Variants in TMEM181 observed in about 807,000 individuals in gnomAD.
TMEM181 encodes G protein-coupled receptor 178.
TMEM181 carries 39 observed loss-of-function variants against 71.9 expected under a neutral mutation model. The ratio of observed to expected loss-of-function variants is 0.54; its 90% confidence interval spans 0.42 to 0.71. TMEM181 has a LOEUF of 0.71. Ranked by LOEUF, TMEM181 falls within the 30% of genes least tolerant of loss-of-function variation. The pLI is 0.00. For missense variants in TMEM181, 595 were observed against 583.0 expected, an observed-to-expected ratio of 1.02 and a Z score of -0.21; for synonymous variants, 245 against 228.8, an observed-to-expected ratio of 1.07 and a Z score of -0.64.
chr6:158,576,496 C>G (rs1221222403), intron 2 of TMEM181, among the ~76,000 whole-genome samples: 1 of 151,894 alleles, frequency 6.6e-6, no homozygotes, highest in Non-Finnish European at 1.5e-5. Context: ...TCGTTTTTGC[C>G]TTTTTCCTTT....
chr6:158,547,044 G>T (rs1781548896), intron 1 of TMEM181, among the ~76,000 whole-genome samples: 1 of 152,170 alleles, frequency 6.6e-6, no homozygotes, highest in Non-Finnish European at 1.5e-5. Flanking sequence ...CACTTTGGGA[G>T]GCTGAGGTGG....
At chr6:158,549,924 A>G (rs1156403310) in intron 1 of TMEM181, among the ~76,000 whole-genome samples, 2 of 136,178 alleles carry the variant, frequency 1.5e-5, no homozygotes, top group South Asian at 2.3e-4. Context: ...ACTCCTCTTC[A>G]TGGCCTTCCC....
At chr6:158,627,952 A>G (rs1370177780) in intron 13 of TMEM181, among the ~76,000 whole-genome samples, 1 of 152,158 alleles carries the variant, frequency 6.6e-6, no homozygotes, top group Non-Finnish European at 1.5e-5. Context: ...TGCTGTGCAA[A>G]GTCACTGGAA....
At chr6:158,608,518 C>G in intron 9 of TMEM181, 55 bp downstream of exon 9, 1 of 1,612,976 alleles carries the variant, frequency 6.2e-7, no homozygotes. Flanking sequence ...GTCCTCCCTC[C>G]CGAACTCTGA....
chr6:158,583,765 A>C (rs1033893841), intron 3 of TMEM181, among the ~76,000 whole-genome samples, 189 bp from the exon 4 acceptor site: 1 of 152,176 alleles, frequency 6.6e-6, no homozygotes, highest in Non-Finnish European at 1.5e-5. Flanking sequence ...GCGCCACTGC[A>C]CTCTAGCCTA....
At chr6:158,563,978 A>G (rs1458323924) in intron 1 of TMEM181, among the ~76,000 whole-genome samples, 1 of 152,090 alleles carries the variant, frequency 6.6e-6, no homozygotes, top group Admixed American at 6.5e-5. Flanking sequence ...CGGTTTTGCC[A>G]TGTTGGCCAG....
intron 1 of TMEM181, among the ~76,000 whole-genome samples, chr6:158,567,320 G>A (rs940270743): frequency 6.6e-6 from 1 of 152,234 alleles, no homozygotes; most frequent in Non-Finnish European, 1.5e-5. Context: ...GAAGCATGGA[G>A]CCCCTTGCCT....
chr6:158,571,240 G>T (rs1254457000), intron 1 of TMEM181, among the ~76,000 whole-genome samples: 1 of 152,166 alleles, frequency 6.6e-6, no homozygotes, highest in African/African-American at 2.4e-5. Context: ...GGGACTGCAG[G>T]CACCCGCCAC....
At position 158,585,307 on chromosome 6, in the gene TMEM181, C is replaced by T. The variant is rs372779214; in HGVS notation, c.263C>T (p.Thr88Ile). The change falls in exon 5 of 17, where the codon ACT becomes ATT. Residue 88 changes from threonine to isoleucine, a missense_variant. Coordinates refer to ENST00000684151, the MANE Select transcript of TMEM181 (RefSeq NM_001376852.1). ...ACTGAATTTTTTTCTTTTGTAGAAACTTCTATTAAGACAAGCTTTCCCATG... is the reference window on the plus strand; with the variant it reads ...ACTGAATTTTTTTCTTTTGTAGAAATTTCTATTAAGACAAGCTTTCCCATG... ...CVVELDQSKE[T>I]SIKTSFPMTV... 3 of 1,598,814 alleles carry T rather than the reference C, an allele frequency of 1.9e-6. No homozygotes were observed. Among genetic ancestry groups the T allele is most frequent in the East Asian group, 4.5e-5 (2 of 44,526 alleles).
At chr6:158,550,842 A>G (rs1221056195) in intron 1 of TMEM181, among the ~76,000 whole-genome samples, 1 of 136,426 alleles carries the variant, frequency 7.3e-6, no homozygotes, top group Non-Finnish European at 1.5e-5. Context: ...TATAGTTTTT[A>G]TAGTGTATTA....
intron 1 of TMEM181, among the ~76,000 whole-genome samples, chr6:158,548,861 T>C (rs1367352216): frequency 6.6e-6 from 1 of 152,200 alleles, no homozygotes; most frequent in Non-Finnish European, 1.5e-5. Context: ...TTTGATAGCT[T>C]GGGACTGATA....
At chr6:158,580,288 C>G (rs1004056690) in intron 2 of TMEM181, among the ~76,000 whole-genome samples, 4 of 151,988 alleles carry the variant, frequency 2.6e-5, no homozygotes, top group Admixed American at 2.6e-4. Context: ...TGAGACTGCG[C>G]TATTGCACTC....
chr6:158,624,671 T>C (rs1786165711), intron 11 of TMEM181, among the ~76,000 whole-genome samples: 1 of 152,204 alleles, frequency 6.6e-6, no homozygotes, highest in Non-Finnish European at 1.5e-5. Context: ...AGGTCGGGAA[T>C]GGTTGATGGT....
intron 1 of TMEM181, among the ~76,000 whole-genome samples, chr6:158,538,075 A>G (rs934481464): frequency 2.1e-4 from 32 of 151,820 alleles, no homozygotes; most frequent in Non-Finnish European, 4.0e-4. Context: ...GTTTCATATC[A>G]TACTTGTTAA....
In TMEM181 at chr6:158,632,099, G is replaced by A. The variant is rs1307604004; in HGVS notation, c.*211G>A. 1 of 546,720 alleles carries A rather than the reference G, an allele frequency of 1.8e-6. No homozygotes were observed. The highest frequency in any genetic ancestry group is 2.9e-5 in the East Asian group (1 of 33,964). 33.9% of individuals were successfully genotyped at this position (546,720 alleles called of 1,614,324 possible). A position where few individuals can be genotyped will look rare whatever the true frequency, so the allele number is the denominator to read the frequency against. The stretch of plus-strand genomic sequence containing the variant: ...CATGGTGGCTACGAGAAGAGGCATT[G>A]ATAACAAGTTTCAACAGCCAAATCC... On this transcript the variant is annotated 3_prime_UTR_variant, in exon 17 of 17. Coordinates refer to ENST00000684151, the MANE Select transcript of TMEM181 (RefSeq NM_001376852.1).
intron 10 of TMEM181, chr6:158,610,515 T>C (rs746153186): frequency 3.0e-5 from 12 of 402,192 alleles, no homozygotes; most frequent in South Asian, 1.8e-4. Flanking sequence ...TGCTCTAGGC[T>C]TGGCTCCCAG....
chr6:158,539,410 C>T (rs531138429), intron 1 of TMEM181, among the ~76,000 whole-genome samples: 21 of 152,284 alleles, frequency 1.4e-4, no homozygotes, highest in South Asian at 8.3e-4. Flanking sequence ...GTTACAGCTC[C>T]GCATCTGTCT....
At chr6:158,575,703 T>C (rs1293646316) in intron 2 of TMEM181, among the ~76,000 whole-genome samples, 2 of 152,222 alleles carry the variant, frequency 1.3e-5, no homozygotes, top group African/African-American at 4.8e-5. Context: ...TTCACTCAGA[T>C]TGTGAATCTG....
At chr6:158,615,539 T>C (rs1462343224) in intron 10 of TMEM181, among the ~76,000 whole-genome samples, 1 of 152,244 alleles carries the variant, frequency 6.6e-6, no homozygotes, top group Non-Finnish European at 1.5e-5. Flanking sequence ...TTTTGGTGTT[T>C]TAGTCATGAA....
Sources: allele counts gnomAD v4.1 joint callset (sites outside exome capture counted in the v4.1 genomes callset), GRCh38; gene constraint gnomAD v4.1.1; transcripts MANE v1.5; gene names NCBI Gene and HGNC (gene_info 2026-07-23, HGNC 2026-07-21).